TBC1D2B: variants seen among roughly 807,000 people sequenced by gnomAD.
The protein encoded by TBC1D2B is TBC1 domain family, member 2B.
TBC1D2B carries 64 observed loss-of-function variants against 100.8 expected under a neutral mutation model. The observed-to-expected ratio is 0.64, with a 90% CI of 0.52 to 0.78. The LOEUF (loss-of-function observed/expected upper bound fraction) is 0.78, where lower values mean the gene tolerates loss of function less well. TBC1D2B is among the 30% of genes least tolerant of loss of function. TBC1D2B has a pLI of 0.00. For missense variants in TBC1D2B, 1,052 were observed against 1,218.4 expected, an observed-to-expected ratio of 0.86 and a Z score of 2.03; for synonymous variants, 480 against 479.7, an observed-to-expected ratio of 1.00 and a Z score of -0.01.
chr15:78,012,073 C>T (rs964290520), intron 9 of TBC1D2B, among the ~76,000 whole-genome samples: 2 of 152,194 alleles, frequency 1.3e-5, no homozygotes, highest in Non-Finnish European at 2.9e-5. Context: ...CTGCACTGGA[C>T]CTTTATCCAT....
intron 2 of TBC1D2B, among the ~76,000 whole-genome samples, chr15:78,053,092 G>A (rs1377279136): frequency 1.3e-5 from 2 of 152,182 alleles, no homozygotes; most frequent in Admixed American, 6.5e-5. Flanking sequence ...ATTTGGAGAC[G>A]AAAAATTCAT....
At chr15:78,072,160 A>G (rs895095716) in intron 1 of TBC1D2B, among the ~76,000 whole-genome samples, 6 of 152,172 alleles carry the variant, frequency 3.9e-5, no homozygotes, top group African/African-American at 1.4e-4. Context: ...AGTTTATAGC[A>G]TGTCTCCTTT....
chr15:78,028,529 A>C (rs960686544), intron 4 of TBC1D2B, among the ~76,000 whole-genome samples: 4 of 152,260 alleles, frequency 2.6e-5, no homozygotes, highest in African/African-American at 9.6e-5. Flanking sequence ...TCAGGCAAAA[A>C]GGCTGATGGA....
rs1319152314 is a variant in TBC1D2B at position 78,012,998 on chromosome 15, C to T, written c.2095G>A (p.Ala699Thr). The T allele has an allele frequency of 2.5e-6, 4 of 1,602,258 alleles. No individual in the cohort carries two copies. Among genetic ancestry groups the T allele is most frequent in the Non-Finnish European group, 3.4e-6 (4 of 1,170,894 alleles). ...GAGGCTGGGTTCTGTTTCTCCAGCG[C>T]CTTCTGCAGCAAGGTCTGGAAGTGG... ...PGHFQTLLQKALEKQNPASKQ... is the reference protein window; with the variant it reads ...PGHFQTLLQKTLEKQNPASKQ... The change falls in exon 9 of 13, where the codon GCG becomes ACG. Residue 699 changes from alanine (A) to threonine (T), a missense_variant. Ala to Thr is a moderately conservative substitution (Grantham distance 58). Coordinates refer to ENST00000300584, the MANE Select transcript of TBC1D2B (RefSeq NM_144572.2).
chr15:78,016,604 G>C lies in TBC1D2B; in HGVS notation c.1717C>G (p.Leu573Val). 1.2e-6 allele frequency: 2 copies of C among 1,613,060 alleles called. No individual in the cohort carries two copies. Among genetic ancestry groups the C allele is most frequent in the Non-Finnish European group, 1.7e-6 (2 of 1,179,548 alleles). The change falls in exon 8 of 13, where the codon CTG becomes GTG. Residue 573 changes from leucine (L) to valine (V), a missense_variant. Leu to Val is a conservative substitution (Grantham distance 32). Around this residue, in one of 4 missense-constraint regions of TBC1D2B, gnomAD observed 373 missense variants for 464.9 expected, o/e 0.80. Coordinates refer to ENST00000300584, the MANE Select transcript of TBC1D2B (RefSeq NM_144572.2). ...GGCTGCTCTTGGCTCTCAACCTGCAGAGCATCCTCCAGCAACTGGGCTATG... is the reference window on the plus strand; with the variant it reads ...GGCTGCTCTTGGCTCTCAACCTGCACAGCATCCTCCAGCAACTGGGCTATG... ...EVIAQLLEDALQVESQEQPEQ... is the reference protein window; with the variant it reads ...EVIAQLLEDAVQVESQEQPEQ...
At chr15:78,018,312 G>C (rs898365118) in intron 6 of TBC1D2B, among the ~76,000 whole-genome samples, 1 of 151,954 alleles carries the variant, frequency 6.6e-6, no homozygotes, top group African/African-American at 2.4e-5. Flanking sequence ...TTAAAAAAAA[G>C]CAATACCTTA....
At chr15:78,075,584 C>A (rs11634621) in intron 1 of TBC1D2B, among the ~76,000 whole-genome samples, 1 of 152,182 alleles carries the variant, frequency 6.6e-6, no homozygotes, top group East Asian at 1.9e-4. Context: ...ACAGGAAATT[C>A]GTCCGACACA....
Position 78,025,368 on chromosome 15 carries a change from G to A in TBC1D2B, c.977C>T (p.Ser326Leu). 6.2e-7 allele frequency: 1 copy of A among 1,613,932 alleles called. No homozygotes were observed. The highest frequency in any genetic ancestry group is 8.5e-7 in the Non-Finnish European group (1 of 1,179,892). Reference protein sequence around the residue: ...SSGDPSSEGTSGSGSVSIRKP... With the variant: ...SSGDPSSEGTLGSGSVSIRKP... The stretch of plus-strand genomic sequence containing the variant: ...CCTGATGCTGACGCTGCCACTGCCT[G>A]ATGTGCCTTCACTTGAAGGGTCACC... The change falls in exon 5 of 13, where the codon TCA becomes TTA. Residue 326 changes from serine to leucine, a missense_variant. Ser to Leu is a moderately radical substitution (Grantham distance 145). Around this residue, in one of 4 missense-constraint regions of TBC1D2B, gnomAD observed 627 missense variants for 646.1 expected, o/e 0.97. Coordinates refer to ENST00000300584, the MANE Select transcript of TBC1D2B (RefSeq NM_144572.2).
chr15:78,070,765 C>A (rs781058403), intron 1 of TBC1D2B, among the ~76,000 whole-genome samples: 1 of 152,228 alleles, frequency 6.6e-6, no homozygotes, highest in Non-Finnish European at 1.5e-5. Flanking sequence ...TCAAGCAGTC[C>A]TCCTGCCTCA....
At position 78,040,847 on chromosome 15, in the gene TBC1D2B, A is replaced by G. The variant is rs1303202410; in HGVS notation, c.683+4053T>C. ...AGAAGGAAAGAAAGAAAAAAGAAAG[A>G]AAGAAAGGAAGAAAGAAAGAAAGAA... On this transcript the variant is annotated intron_variant, in intron 3 of 12. Transcript: ENST00000300584. 3.7e-5 allele frequency among the ~76,000 whole-genome samples: 5 copies of G among 135,240 alleles called. No homozygotes were observed. In the South Asian group the frequency reaches 7.8e-4, roughly 21 times the overall value. 88.7% of individuals were successfully genotyped at this position (135,240 alleles called of 152,430 possible). A position where few individuals can be genotyped will look rare whatever the true frequency, so the allele number is the denominator to read the frequency against.
In TBC1D2B at chr15:78,010,273, G is replaced by C. The variant is rs2072188755; in HGVS notation, c.2271-1159C>G. On this transcript the variant is annotated intron_variant, in intron 9 of 12. Transcript: ENST00000300584. Reference sequence around the variant, plus strand: ...TTGTTCATAACGGAAACTGGGGTCAGCTATTTACATGCTGTCACTAATCAA... The same window carrying C: ...TTGTTCATAACGGAAACTGGGGTCACCTATTTACATGCTGTCACTAATCAA... 2.0e-5 allele frequency among the ~76,000 whole-genome samples: 3 copies of C among 152,090 alleles called. 1 individual carries two copies. In the South Asian group the frequency reaches 6.2e-4, roughly 32 times the overall value.
At chr15:78,024,115 G>A in intron 6 of TBC1D2B, 41 bp downstream of exon 6, 1 of 1,563,578 alleles carries the variant, frequency 6.4e-7, no homozygotes, top group Non-Finnish European at 8.7e-7. Context: ...GACATCGGTG[G>A]TCTCTCATGC....
intron 2 of TBC1D2B, among the ~76,000 whole-genome samples, chr15:78,049,071 A>G (rs2073258668): frequency 6.6e-6 from 1 of 152,202 alleles, no homozygotes. Flanking sequence ...TTATTTATCA[A>G]TGTGAGTTTT....
At chr15:78,032,746 A>C (rs2072847892) in intron 3 of TBC1D2B, among the ~76,000 whole-genome samples, 1 of 152,190 alleles carries the variant, frequency 6.6e-6, no homozygotes, top group African/African-American at 2.4e-5. Flanking sequence ...AATGGGAACA[A>C]GAGCAGAGTA....
chr15:78,041,467 G>A (rs2073093538), intron 3 of TBC1D2B, among the ~76,000 whole-genome samples: 1 of 152,146 alleles, frequency 6.6e-6, no homozygotes, highest in South Asian at 2.1e-4. Flanking sequence ...TTCATCAGGG[G>A]AGCTAGTTAA....
chr15:78,015,480 T>C, intron 8 of TBC1D2B, among the ~76,000 whole-genome samples: 1 of 152,186 alleles, frequency 6.6e-6, no homozygotes, highest in Non-Finnish European at 1.5e-5. Context: ...CACAAAACGC[T>C]TTTGCATGGG....
chr15:78,001,634 G>A lies in TBC1D2B; in HGVS notation c.2681C>T (p.Thr894Ile), dbSNP rs114709718. Residue 894 changes from threonine (T) to isoleucine (I), a missense_variant, in exon 12 of 13, where the codon ACT becomes ATT. Physicochemically the swap from Thr to Ile is moderately conservative, Grantham distance 89. Around this residue, in one of 4 missense-constraint regions of TBC1D2B, gnomAD observed 373 missense variants for 464.9 expected, o/e 0.80. Transcript: ENST00000300584. ...CAGGACTCACCTAGCATCAAGGATA[G>A]TGCGAGTGAAGTAGCGGAGATACTT... ...IFKYLRYFTR[T>I]ILDARKLISI... is the part of the protein sequence containing the mutation. 3 of 1,609,566 alleles carry A rather than the reference G, an allele frequency of 1.9e-6. No individual in the cohort carries two copies. The highest frequency in any genetic ancestry group is 2.5e-6 in the Non-Finnish European group (3 of 1,177,994).
chr15:77,996,878 C>T lies in TBC1D2B; in HGVS notation c.*1282G>A, dbSNP rs996171060. Reference sequence around the variant, plus strand: ...GCCAGAAAACATCCTCTCACATCTACGCATCAGGGATGGTCTAGAGCGATT... The same window carrying T: ...GCCAGAAAACATCCTCTCACATCTATGCATCAGGGATGGTCTAGAGCGATT... On this transcript the variant is annotated 3_prime_UTR_variant, in exon 13 of 13. Transcript: ENST00000300584. The T allele has an allele frequency of 6.6e-5, 10 of 152,208 alleles. No homozygotes were observed. The highest frequency in any genetic ancestry group is 1.9e-4 in the African/African-American group (8 of 41,446). 9.4% of individuals were successfully genotyped at this position (152,208 alleles called of 1,614,324 possible). A position where few individuals can be genotyped will look rare whatever the true frequency, so the allele number is the denominator to read the frequency against.
chr15:78,077,016 C>A (rs566342974), intron 1 of TBC1D2B, among the ~76,000 whole-genome samples: 15 of 152,304 alleles, frequency 9.8e-5, no homozygotes, highest in Non-Finnish European at 1.8e-4. Flanking sequence ...TCGGGAGACA[C>A]CAGAGACTGG....
Sources: allele counts gnomAD v4.1 joint callset (sites outside exome capture counted in the v4.1 genomes callset), GRCh38; gene constraint gnomAD v4.1.1; regional missense constraint gnomAD v4.1.1; transcripts MANE v1.5; gene names NCBI Gene and HGNC (gene_info 2026-07-23, HGNC 2026-07-21).